Variants in TREML4 observed in about 807,000 individuals in gnomAD.
The protein encoded by TREML4 is triggering receptor expressed on myeloid cells like 4.
A neutral mutation model predicts 25.4 loss-of-function variants in TREML4; 25 were observed. That is an observed-to-expected ratio of 0.98 (90% CI 0.72 to 1.37). The LOEUF (loss-of-function observed/expected upper bound fraction) is 1.37. TREML4 is among the 40% of genes most tolerant of loss of function. The pLI, the probability that TREML4 is intolerant of heterozygous loss-of-function variation, is 0.00. For missense variants in TREML4, 268 were observed against 236.5 expected (o/e 1.13, Z -0.87); for synonymous variants, 92 against 87.9 (o/e 1.05, Z -0.26).
chr6:41,233,134 T>C (rs201891839), intron 4 of TREML4, among the ~76,000 whole-genome samples: 1 of 152,194 alleles, frequency 6.6e-6, no homozygotes, highest in Non-Finnish European at 1.5e-5. Flanking sequence ...GTCAAGAGAA[T>C]GTATACCCTT....
chr6:41,234,859 C>A (rs1341330722), intron 4 of TREML4, among the ~76,000 whole-genome samples: 1 of 150,472 alleles, frequency 6.6e-6, no homozygotes, highest in Non-Finnish European at 1.5e-5. Flanking sequence ...GCAAAAACAG[C>A]CCAGGTCATT....
rs5875744 is a variant in TREML4, at chr6:41,228,366, C to CCTT, written c.-60_-59insTCT. On this transcript the variant is annotated 5_prime_UTR_variant, in exon 1 of 6. Transcript: ENST00000341495. Reference sequence around the variant, plus strand: ...GCAGAATCAGACCCAGCGTCTGACTCCTCCTGAGAGGGCTCCCTTTTTTCT... The same window carrying CCTT: ...GCAGAATCAGACCCAGCGTCTGACTCCTTCTCCTGAGAGGGCTCCCTTTTTTCT... The CCTT allele has an allele frequency of 0.88, 1,094,890 of 1,244,224 alleles. 484,344 individuals are homozygous for CCTT. Among genetic ancestry groups the CCTT allele is most frequent in the East Asian group, 0.96 (37,578 of 39,270 alleles). 77.1% of individuals were successfully genotyped at this position (1,244,224 alleles called of 1,614,324 possible). A position where few individuals can be genotyped will look rare whatever the true frequency, so the allele number is the denominator to read the frequency against.
Position 41,228,974 on chromosome 6 carries a change from G to T in TREML4, c.324G>T (p.Trp108Cys). The T allele has an allele frequency of 6.2e-7, 1 of 1,614,064 alleles. No individual in the cohort carries two copies. Among genetic ancestry groups the T allele is most frequent in the Non-Finnish European group, 8.5e-7 (1 of 1,179,920 alleles). The change falls in exon 2 of 6, where the codon TGG becomes TGT. Residue 108 changes from tryptophan (W) to cysteine (C), a missense_variant. Trp to Cys is a radical substitution (Grantham distance 215). Transcript: ENST00000341495. ...CACAGAATGACTCGGGATTCTACTG[G>T]TGTGGAATCTACAACGCTTCCGAAA... Reference protein sequence around the residue: ...QLTQNDSGFYWCGIYNASENI... With the variant: ...QLTQNDSGFYCCGIYNASENI...
Position 41,228,711 on chromosome 6 carries a change from A to G in TREML4, c.64-3A>G. 1.2e-6 allele frequency: 2 copies of G among 1,610,100 alleles called. No individual in the cohort carries two copies. The highest frequency in any genetic ancestry group is 1.7e-6 in the Non-Finnish European group (2 of 1,177,440). On this transcript the variant is annotated splice_polypyrimidine_tract_variant and splice_region_variant and intron_variant, in intron 1 of 5. Coordinates refer to ENST00000341495, the MANE Select transcript of TREML4 (RefSeq NM_198153.3). ...GTTTCTTTCTGCCGGTTCCTGGGTA[A>G]AGGGTGCTGTGCCTGAAGAACTTCA...
rs1002202341 is a variant in TREML4, at chr6:41,228,643, C to T, written c.64-71C>T. The T allele has an allele frequency of 2.0e-6, 3 of 1,530,280 alleles. No homozygotes were observed. The African/African-American group carries it at 4.1e-5, about 21-fold the overall frequency. 94.8% of individuals were successfully genotyped at this position (1,530,280 alleles called of 1,614,324 possible). ...ACTAGTTCCCCCTCCCCTTCCCCAG[C>T]CTGTGATGGGGGAGGTTGGGTCCCT... On this transcript the variant is annotated intron_variant, in intron 1 of 5. Coordinates refer to ENST00000341495, the MANE Select transcript of TREML4 (RefSeq NM_198153.3).
At chr6:41,235,282 T>C (rs1766873390) in intron 4 of TREML4, among the ~76,000 whole-genome samples, 1 of 152,180 alleles carries the variant, frequency 6.6e-6, no homozygotes, top group Non-Finnish European at 1.5e-5. Context: ...AATTAAGGAT[T>C]TTCATAGCTA....
At chr6:41,229,964 T>G in intron 3 of TREML4, 98 bp from the exon 4 acceptor site, 2 of 1,030,758 alleles carry the variant, frequency 1.9e-6, no homozygotes, top group Non-Finnish European at 3.1e-6. Context: ...AGGGGCTGCC[T>G]CTGGCCCCTC....
At position 41,228,800 on chromosome 6, in the gene TREML4, G is replaced by A; in HGVS notation, c.150G>A (p.Gln50=). Residue 50 remains glutamine (Q), a synonymous_variant, in exon 2 of 6, where the codon CAG becomes CAA. Coordinates refer to ENST00000341495, the MANE Select transcript of TREML4 (RefSeq NM_198153.3). ...CQYSPKRGPY[Q]PKSWCQQTSP... ...ACTCACCCAAGAGAGGGCCCTATCA[G>A]CCCAAATCCTGGTGTCAGCAGACAT... is the stretch of plus-strand genomic sequence containing the variant. The A allele has an allele frequency of 1.2e-6, 2 of 1,614,142 alleles. No homozygotes were observed. The highest frequency in any genetic ancestry group is 1.7e-6 in the Non-Finnish European group (2 of 1,180,016).
chr6:41,235,336 G>T lies in TREML4; in HGVS notation c.507-1150G>T, dbSNP rs1002307010. 2.6e-5 allele frequency among the ~76,000 whole-genome samples: 4 copies of T among 152,282 alleles called. No homozygotes were observed. The East Asian group carries it at 7.7e-4, about 29-fold the overall frequency. On this transcript the variant is annotated intron_variant, in intron 4 of 5. Coordinates refer to ENST00000341495, the MANE Select transcript of TREML4 (RefSeq NM_198153.3). ...ATATTAGAGATTCTGATCAATGCTT[G>T]AAGGAAAGGAAAACAGGTTACATGA...
intron 3 of TREML4, among the ~76,000 whole-genome samples, 155 bp from the exon 4 acceptor site, chr6:41,229,907 G>T (rs1206140021): frequency 1.3e-5 from 2 of 152,172 alleles, no homozygotes; most frequent in African/African-American, 2.4e-5. Context: ...ACTTCAGCTG[G>T]TTATGGAGAT....
intron 4 of TREML4, among the ~76,000 whole-genome samples, chr6:41,233,319 G>A (rs1015292267): frequency 2.6e-5 from 4 of 152,130 alleles, no homozygotes; most frequent in Non-Finnish European, 5.9e-5. Context: ...GACACTCTGA[G>A]TTTTAAAAAG....
At position 41,228,577 on chromosome 6, in the gene TREML4, G is replaced by A; in HGVS notation, c.63+87G>A. ...GGAGCAGCATGGCTGTGTGACCATAGGACAGAATTTAGGGGCCCTCTTCCA... is the reference window on the plus strand; with the variant it reads ...GGAGCAGCATGGCTGTGTGACCATAAGACAGAATTTAGGGGCCCTCTTCCA... On this transcript the variant is annotated intron_variant, in intron 1 of 5. Coordinates refer to ENST00000341495, the MANE Select transcript of TREML4 (RefSeq NM_198153.3). The A allele has an allele frequency of 5.9e-6, 9 of 1,520,402 alleles. No homozygotes were observed. The South Asian group carries it at 6.2e-5, about 10-fold the overall frequency. 94.2% of individuals were successfully genotyped at this position (1,520,402 alleles called of 1,614,324 possible). A position where few individuals can be genotyped will look rare whatever the true frequency, so the allele number is the denominator to read the frequency against.
intron 4 of TREML4, among the ~76,000 whole-genome samples, chr6:41,233,839 TATA>T (rs1451417009): frequency 3.3e-5 from 5 of 151,254 alleles, no homozygotes; most frequent in South Asian, 2.1e-4. Context: ...CTTTTAAATA[TATA>T]ATATTTTCAA....
intron 4 of TREML4, among the ~76,000 whole-genome samples, chr6:41,231,397 T>C (rs1265588755): frequency 1.3e-5 from 2 of 151,978 alleles, no homozygotes; most frequent in African/African-American, 4.8e-5. Flanking sequence ...GTATCTAATA[T>C]GCCCAGTGGA....
At chr6:41,231,767 G>A (rs376322391) in intron 4 of TREML4, among the ~76,000 whole-genome samples, 3 of 152,158 alleles carry the variant, frequency 2.0e-5, no homozygotes, top group African/African-American at 7.2e-5. Flanking sequence ...TCAAAGAGAA[G>A]TTAGGAGACA....
At chr6:41,231,602 T>G (rs2113939563) in intron 4 of TREML4, among the ~76,000 whole-genome samples, 1 of 151,992 alleles carries the variant, frequency 6.6e-6, no homozygotes, top group Middle Eastern at 3.4e-3. Flanking sequence ...ATGAGGACGA[T>G]CCATTGGAAA....
intron 2 of TREML4, among the ~76,000 whole-genome samples, 158 bp from the exon 3 acceptor site, chr6:41,229,363 C>T (rs954859965): frequency 2.0e-5 from 3 of 152,172 alleles, no homozygotes. Flanking sequence ...CACACACACA[C>T]CAACAACTCT....
chr6:41,230,007 C>T (rs1341847016), intron 3 of TREML4, 55 bp from the exon 4 acceptor site: 3 of 1,468,892 alleles, frequency 2.0e-6, no homozygotes, highest in East Asian at 4.5e-5. Context: ...GGACCCAATC[C>T]CATTCTCTAT....
chr6:41,231,003 G>GCTC (rs1450810967), intron 4 of TREML4: 1 of 273,428 alleles, frequency 3.7e-6, no homozygotes, highest in East Asian at 8.7e-5. Context: ...CTGTGCATGC[G>GCTC]AGGGTTCTAG....
Sources: gnomAD v4.1 joint callset for allele counts (sites outside exome capture counted in the v4.1 genomes callset) on GRCh38, gnomAD v4.1.1 for gene constraint, MANE v1.5 for transcripts, NCBI Gene and HGNC (gene_info 2026-07-23, HGNC 2026-07-21) for gene names.